SKI: variants seen among roughly 807,000 people sequenced by gnomAD.
SKI encodes SKI proto-oncogene, also known as ski oncogene.
SKI carries 23 observed loss-of-function variants against 59.3 expected under a neutral mutation model. That is an observed-to-expected ratio of 0.39 (90% confidence interval 0.28 to 0.55). The LOEUF is 0.55. Among genes scored for constraint, SKI ranks in the 20% least tolerant of loss-of-function variants. The pLI is 0.67. For synonymous variants in SKI, 673 were observed against 488.6 expected, an observed-to-expected ratio of 1.38 and a Z score of -4.98; for missense variants, 1,017 against 1,038.9, an observed-to-expected ratio of 0.98 and a Z score of 0.29.
intron 1 of SKI, among the ~76,000 whole-genome samples, chr1:2,285,385 G>A (rs1006769081): frequency 6.6e-6 from 1 of 151,686 alleles, no homozygotes; most frequent in Non-Finnish European, 1.5e-5. Context: ...CGTGGTGGCG[G>A]GTGCCTGTAA....
At chr1:2,305,983 G>C (rs371112942) in intron 5 of SKI, 37 bp from the exon 6 acceptor site, 196 of 1,480,714 alleles carry the variant, frequency 1.3e-4, no homozygotes, top group Non-Finnish European at 1.8e-4. Flanking sequence ...TGCTGGGACC[G>C]GCTGGGCAGT....
intron 1 of SKI, among the ~76,000 whole-genome samples, chr1:2,231,357 C>T (rs1174494620): frequency 6.6e-6 from 1 of 152,076 alleles, no homozygotes; most frequent in African/African-American, 2.4e-5. Flanking sequence ...GGTGTGTCTG[C>T]GTTTGTTTTT....
chr1:2,298,523 C>G (rs987003134), intron 1 of SKI, among the ~76,000 whole-genome samples: 1 of 152,208 alleles, frequency 6.6e-6, no homozygotes, highest in Non-Finnish European at 1.5e-5. Context: ...CCTGAGGCAG[C>G]ATGAGCAGAG....
rs1640623415 is a variant in SKI, at chr1:2,307,466, G to C, written c.*701G>C. 6.6e-6 allele frequency: 1 copy of C among 152,382 alleles called. No individual in the cohort carries two copies. The allele number at this position is 152,382 out of a possible 1,614,324, so 9.4% of individuals were successfully genotyped here. A position where few individuals can be genotyped will look rare whatever the true frequency, so the allele number is the denominator to read the frequency against. ...GCACAGGAGCTGCCCCGGAGCTGAG[G>C]GGACGGTCTTCGGCTCCTCTGCACC... On this transcript the variant is annotated 3_prime_UTR_variant, in exon 7 of 7. Transcript: ENST00000378536.
intron 1 of SKI, among the ~76,000 whole-genome samples, chr1:2,253,832 G>A (rs1639218032): frequency 1.3e-5 from 2 of 152,188 alleles, no homozygotes; most frequent in Non-Finnish European, 2.9e-5. Context: ...CACAGTGACA[G>A]CAGAGGGGAG....
chr1:2,244,953 G>A (rs914282689), intron 1 of SKI, among the ~76,000 whole-genome samples: 7 of 152,112 alleles, frequency 4.6e-5, no homozygotes, highest in Non-Finnish European at 7.3e-5. Flanking sequence ...ACAATAAAAG[G>A]GTCGAATCAA....
intron 1 of SKI, among the ~76,000 whole-genome samples, chr1:2,279,980 C>T (rs1639836074): frequency 6.6e-6 from 1 of 152,124 alleles, no homozygotes; most frequent in African/African-American, 2.4e-5. Flanking sequence ...TTGGGCCCCA[C>T]CCCCAGCCCT....
chr1:2,229,767 G>A lies in SKI; in HGVS notation c.969+32G>A, dbSNP rs762513789. ...GGCCCCAGGCCTGGGAGCTGGGGAG[G>A]ATGCGCTTGGGGTGGGGGCCCCTTC... is the stretch of plus-strand genomic sequence containing the variant. On this transcript the variant is annotated intron_variant, in intron 1 of 6. Transcript: ENST00000378536. This position sits in a 1 kb window ranked among gnomAD's most constrained non-coding sequence, Gnocchi z 6.3. 6 of 1,550,342 alleles carry A rather than the reference G, an allele frequency of 3.9e-6. No homozygotes were observed. Among genetic ancestry groups the A allele is most frequent in the Non-Finnish European group, 5.2e-6 (6 of 1,147,160 alleles).
At chr1:2,244,612 T>C (rs1362546450) in intron 1 of SKI, among the ~76,000 whole-genome samples, 1 of 152,150 alleles carries the variant, frequency 6.6e-6, no homozygotes, top group Non-Finnish European at 1.5e-5. Flanking sequence ...GATTCTGTCA[T>C]TTAGAGTGTC....
Position 2,309,241 on chromosome 1 carries a change from C to G in SKI, c.*2476C>G, listed in dbSNP as rs140239034. On this transcript the variant is annotated 3_prime_UTR_variant, in exon 7 of 7. Coordinates refer to ENST00000378536, the MANE Select transcript of SKI (RefSeq NM_003036.4). ...TTCAGCAGAAGGGGGAAGAGGTGTC[C>G]GCTGTGTGGGCTGCTGACTCCTCTG... 6.6e-6 allele frequency: 1 copy of G among 152,164 alleles called. No homozygotes were observed. Among genetic ancestry groups the G allele is most frequent in the East Asian group, 1.9e-4 (1 of 5,192 alleles). 9.4% of individuals were successfully genotyped at this position (152,164 alleles called of 1,614,324 possible).
intron 1 of SKI, among the ~76,000 whole-genome samples, chr1:2,298,921 T>C (rs968834921): frequency 4.6e-5 from 7 of 152,172 alleles, no homozygotes; most frequent in African/African-American, 1.7e-4. Flanking sequence ...AGTCTTGCCC[T>C]GGGGGGTCCT....
At chr1:2,299,124 A>G (rs1159279149) in intron 1 of SKI, among the ~76,000 whole-genome samples, 1 of 152,216 alleles carries the variant, frequency 6.6e-6, no homozygotes, top group Admixed American at 6.5e-5. Context: ...CAAGGAAGCG[A>G]CCGTCAGCGC....
At chr1:2,273,664 C>T (rs915190601) in intron 1 of SKI, among the ~76,000 whole-genome samples, 5 of 152,142 alleles carry the variant, frequency 3.3e-5, no homozygotes, top group South Asian at 2.1e-4. Flanking sequence ...GACGAGTGTG[C>T]GACCAGAGTG....
chr1:2,276,977 C>T lies in SKI; in HGVS notation c.970-26001C>T, dbSNP rs150634198. Among the ~76,000 whole-genome samples, 73 of 152,208 alleles carry T rather than the reference C, an allele frequency of 4.8e-4. No individual in the cohort carries two copies. The East Asian group carries it at 4.8e-3, about 10-fold the overall frequency. On this transcript the variant is annotated intron_variant, in intron 1 of 6. Transcript: ENST00000378536. ...CAGGGATGGGGCATTGGGGAGATTC[C>T]GACACAGCAGGGCCCTCACCCAGGA... is the stretch of plus-strand genomic sequence containing the variant.
At chr1:2,251,893 G>A (rs1639159287) in intron 1 of SKI, among the ~76,000 whole-genome samples, 1 of 152,208 alleles carries the variant, frequency 6.6e-6, no homozygotes, top group Non-Finnish European at 1.5e-5. Flanking sequence ...CTTGGCTCCG[G>A]GCACAGCGTG....
In SKI at chr1:2,306,908, C is replaced by T. The variant is rs1459443359; in HGVS notation, c.*143C>T. Reference sequence around the variant, plus strand: ...CCTATTACCAAGCGAGTGTTTGTAACCATGTAGTTTTGGAACCCACTGCAA... The same window carrying T: ...CCTATTACCAAGCGAGTGTTTGTAATCATGTAGTTTTGGAACCCACTGCAA... On this transcript the variant is annotated 3_prime_UTR_variant, in exon 7 of 7. Coordinates refer to ENST00000378536, the MANE Select transcript of SKI (RefSeq NM_003036.4). 1.8e-5 allele frequency: 10 copies of T among 563,218 alleles called. No homozygotes were observed. The highest frequency in any genetic ancestry group is 2.6e-5 in the Non-Finnish European group (10 of 386,114). 34.9% of individuals were successfully genotyped at this position (563,218 alleles called of 1,614,324 possible). A position where few individuals can be genotyped will look rare whatever the true frequency, so the allele number is the denominator to read the frequency against.
chr1:2,258,269 G>T (rs532958492), intron 1 of SKI, among the ~76,000 whole-genome samples: 8 of 152,050 alleles, frequency 5.3e-5, no homozygotes, highest in Non-Finnish European at 1.2e-4. Context: ...CCGTATGTTC[G>T]GTGTCTGCAG....
At chr1:2,256,504 C>G (rs145119108) in intron 1 of SKI, among the ~76,000 whole-genome samples, 3,566 of 152,334 alleles carry the variant, frequency 0.023, 55 homozygotes, top group Non-Finnish European at 0.035. Context: ...CCTGCCCGCC[C>G]TGGGTATTTC....
chr1:2,253,042 G>A (rs1307610652), intron 1 of SKI, among the ~76,000 whole-genome samples: 2 of 151,734 alleles, frequency 1.3e-5, no homozygotes, highest in Non-Finnish European at 2.9e-5. Context: ...GTTGCAGTGA[G>A]CCCAGGTCAT....
Sources: allele counts gnomAD v4.1 joint callset (sites outside exome capture counted in the v4.1 genomes callset), GRCh38; gene constraint gnomAD v4.1.1; non-coding constraint Gnocchi (gnomAD v3.1); transcripts MANE v1.5; gene names NCBI Gene and HGNC (gene_info 2026-07-23, HGNC 2026-07-21).